MCF2L: variants seen among roughly 807,000 people sequenced by gnomAD.
MCF2L encodes guanine nucleotide exchange factor DBS.
In MCF2L, 97 loss-of-function variants were observed where a neutral mutation model predicts 153.4. The observed-to-expected ratio is 0.63, with a 90% CI of 0.54 to 0.75. MCF2L has a LOEUF of 0.75. MCF2L is among the 30% of genes least tolerant of loss of function. The pLI is 0.00. For missense variants in MCF2L, 1,347 were observed against 1,495.2 expected (o/e 0.90, Z 1.64); for synonymous variants, 659 against 632.2 (o/e 1.04, Z -0.64).
chr13:113,065,845 C>T lies in MCF2L; in HGVS notation c.757-201C>T, dbSNP rs112668336. On this transcript the variant is annotated intron_variant, in intron 7 of 29. Coordinates refer to ENST00000535094, the MANE Select transcript of MCF2L (RefSeq NM_001112732.3). The stretch of plus-strand genomic sequence containing the variant: ...CTGTAATGGCAGCTCTGCCCCGGGG[C>T]ACACAGGAGTGAGGGAGGCCCCCAC... Among the ~76,000 whole-genome samples the T allele has an allele frequency of 3.7e-3, 562 of 152,360 alleles. 4 individuals carry two copies. Among genetic ancestry groups the T allele is most frequent in the African/African-American group, 0.013 (541 of 41,580 alleles).
chr13:113,063,400 C>T (rs1025288857), intron 5 of MCF2L, among the ~76,000 whole-genome samples: 5 of 151,424 alleles, frequency 3.3e-5, no homozygotes, highest in Admixed American at 1.3e-4. Context: ...CAGCTGCCCA[C>T]GGTGTCCAGA....
At chr13:113,044,572 C>T (rs2086684349) in intron 3 of MCF2L, 2 of 1,520,484 alleles carry the variant, frequency 1.3e-6, no homozygotes, top group East Asian at 2.4e-5. Context: ...CTGGTGGTAG[C>T]AGCTGCTGGC....
chr13:113,088,990 C>T lies in MCF2L; in HGVS notation c.2834+362C>T, dbSNP rs577198433. On this transcript the variant is annotated intron_variant, in intron 25 of 29. Coordinates refer to ENST00000535094, the MANE Select transcript of MCF2L (RefSeq NM_001112732.3). ...ACGTGGGCACGTTTCAGACTCCGAC[C>T]CTGACCGTGGCTTCGTCGTGTCTCT... 2.0e-5 allele frequency among the ~76,000 whole-genome samples: 3 copies of T among 152,358 alleles called. No individual in the cohort carries two copies. In the South Asian group the frequency reaches 6.2e-4, roughly 32 times the overall value.
chr13:112,976,679 G>A (rs923762948), intron 1 of MCF2L, among the ~76,000 whole-genome samples: 9 of 152,200 alleles, frequency 5.9e-5, no homozygotes, highest in African/African-American at 9.7e-5. Flanking sequence ...CCGGAGCCAC[G>A]ACCTTCCCTG....
chr13:112,952,855 A>G (rs1052594871), intron 2 of MCF2L, among the ~76,000 whole-genome samples: 1 of 152,106 alleles, frequency 6.6e-6, no homozygotes, highest in African/African-American at 2.4e-5. Context: ...CAGGGTGTCC[A>G]TTGTTCCAGC....
chr13:112,936,509 GA>G (rs1414842300), intron 2 of MCF2L, among the ~76,000 whole-genome samples: 1 of 152,168 alleles, frequency 6.6e-6, no homozygotes, highest in Admixed American at 6.6e-5. Flanking sequence ...GGTTATTTGG[GA>G]AAAGGTGTTT....
intron 1 of MCF2L, among the ~76,000 whole-genome samples, chr13:112,996,338 C>T (rs1466800668): frequency 6.6e-6 from 1 of 152,120 alleles, no homozygotes; most frequent in African/African-American, 2.4e-5. Flanking sequence ...AAATAAAAGG[C>T]GTTGACTTTA....
intron 2 of MCF2L, among the ~76,000 whole-genome samples, chr13:112,959,046 G>A (rs1011051004): frequency 6.6e-5 from 10 of 152,324 alleles, no homozygotes; most frequent in Admixed American, 2.0e-4. Flanking sequence ...CAGAATGAGC[G>A]TCGCATCCCA....
In MCF2L at chr13:112,928,689, G is replaced by A. The variant is rs375504697; in HGVS notation, c.169+26318G>A. On this transcript the variant is annotated intron_variant, in intron 2 of 29. Transcript: ENST00000375608. ...GAAACTTTACTTTGCCTGTTGTATG[G>A]GACACACACAGGACTAAGAGACACA... is the stretch of plus-strand genomic sequence containing the variant. Among the ~76,000 whole-genome samples the A allele has an allele frequency of 2.0e-5, 3 of 152,232 alleles. No homozygotes were observed. The East Asian group carries it at 5.8e-4, about 29-fold the overall frequency.
chr13:113,062,686 C>T (rs1049964923), intron 5 of MCF2L, among the ~76,000 whole-genome samples: 3 of 152,036 alleles, frequency 2.0e-5, no homozygotes, highest in Admixed American at 6.5e-5. Flanking sequence ...CGTGTGTGTC[C>T]GTGTTTCAGT....
rs1594909523 is a variant in MCF2L, at chr13:113,066,064, C to T, written c.775C>T (p.Leu259=). ...DKAKEDLRLA[L]KEGHSVLESL... is the part of the protein sequence containing the mutation. The stretch of plus-strand genomic sequence containing the variant: ...TCCACAGGAGGATTTGAGGCTGGCA[C>T]TGAAAGAGGGGCACAGTGTCCTGGA... Residue 259 remains leucine (L), a synonymous_variant, in exon 8 of 30, where the codon CTG becomes TTG. Coordinates refer to ENST00000535094, the MANE Select transcript of MCF2L (RefSeq NM_001112732.3). The T allele has an allele frequency of 6.2e-7, 1 of 1,613,282 alleles. No homozygotes were observed. Among genetic ancestry groups the T allele is most frequent in the East Asian group, 2.2e-5 (1 of 44,876 alleles).
At chr13:112,915,407 T>TAAAA (rs2081280854) in intron 2 of MCF2L, among the ~76,000 whole-genome samples, 1 of 2,482 alleles carries the variant, frequency 4.0e-4, no homozygotes. Flanking sequence ...AGACTCTGTC[T>TAAAA]CACAAAAAAA....
Position 113,031,491 on chromosome 13 carries a change from A to G in MCF2L, c.278+6733A>G, listed in dbSNP as rs2085720905. Among the ~76,000 whole-genome samples, 1 of 152,104 alleles carries G rather than the reference A, an allele frequency of 6.6e-6. No homozygotes were observed. The highest frequency in any genetic ancestry group is 2.4e-5 in the African/African-American group (1 of 41,406). On this transcript the variant is annotated intron_variant, in intron 3 of 29. Coordinates refer to ENST00000535094, the MANE Select transcript of MCF2L (RefSeq NM_001112732.3). The surrounding 1 kb of genome is among the most constrained non-coding windows in gnomAD (Gnocchi z 5.5). ...AGGGACAGAGTCTGGGAGGTGAGAC[A>G]GGGTCTGTGGAGCCTTTTCTGAGGA...
At chr13:113,021,863 G>A (rs760158140) in intron 2 of MCF2L, among the ~76,000 whole-genome samples, 1 of 152,210 alleles carries the variant, frequency 6.6e-6, no homozygotes, top group Non-Finnish European at 1.5e-5. Context: ...TGAGGCTGTG[G>A]TGGAGCACAG....
At chr13:113,071,816 T>C (rs2032949844) in intron 9 of MCF2L, among the ~76,000 whole-genome samples, 1 of 151,186 alleles carries the variant, frequency 6.6e-6, no homozygotes. Context: ...TCCCTCTTTG[T>C]TTTCTTTTTC....
chr13:112,949,272 A>G (rs997665161), intron 2 of MCF2L, among the ~76,000 whole-genome samples: 1 of 152,248 alleles, frequency 6.6e-6, no homozygotes, highest in Non-Finnish European at 1.5e-5. Flanking sequence ...AGAAACATTC[A>G]GGCCCAGATG....
intron 1 of MCF2L, chr13:113,010,115 A>ACCCCC (rs150598250): frequency 3.2e-5 from 3 of 94,844 alleles, no homozygotes; most frequent in East Asian, 3.4e-4. Context: ...CACCCCCCAT[A>ACCCCC]CCCCCCCCAC....
intron 2 of MCF2L, among the ~76,000 whole-genome samples, chr13:112,923,670 C>A (rs1040175829): frequency 6.6e-6 from 1 of 152,094 alleles, no homozygotes; most frequent in East Asian, 1.9e-4. Context: ...CCCACAATTA[C>A]CTTTGCAGCA....
chr13:112,945,988 C>T (rs1442079884), intron 2 of MCF2L, among the ~76,000 whole-genome samples: 2 of 152,052 alleles, frequency 1.3e-5, no homozygotes, highest in South Asian at 2.1e-4. Context: ...GTGTTCAGAC[C>T]GGAAACCTGA....
Sources: allele counts gnomAD v4.1 joint callset (sites outside exome capture counted in the v4.1 genomes callset), GRCh38; gene constraint gnomAD v4.1.1; non-coding constraint Gnocchi (gnomAD v3.1); transcripts MANE v1.5; gene names NCBI Gene and HGNC (gene_info 2026-07-23, HGNC 2026-07-21).